The following WASHC2A variants were observed in gnomAD, a reference collection of about 807,000 sequenced individuals.
WASHC2A encodes WASH complex subunit FAM21A.
A neutral mutation model predicts 140.3 loss-of-function variants in WASHC2A; 82 were observed. The observed-to-expected ratio is 0.58, with a 90% CI of 0.49 to 0.70. The LOEUF (loss-of-function observed/expected upper bound fraction) is 0.70. Among genes scored for constraint, WASHC2A ranks in the 30% least tolerant of loss-of-function variants. The pLI is 0.00. For synonymous variants in WASHC2A, 340 were observed against 560.8 expected (o/e 0.61, Z 5.56); for missense variants, 985 against 1,521.8 (o/e 0.65, Z 5.87).
chr10:50,127,868 C>T, intron 28 of WASHC2A, 73 bp downstream of exon 28: 1 of 922,490 alleles, frequency 1.1e-6, no homozygotes, highest in East Asian at 2.6e-5. Context: ...TCTAGTTTAT[C>T]AGTTGCATAC....
intron 15 of WASHC2A, 82 bp from the exon 16 acceptor site, chr10:50,097,593 G>A: frequency 1.9e-6 from 2 of 1,043,428 alleles, no homozygotes; most frequent in Non-Finnish European, 2.7e-6. Context: ...TATTCTTTGG[G>A]AGGGAAGAAT....
intron 15 of WASHC2A, 150 bp from the exon 16 acceptor site, chr10:50,097,525 A>G: frequency 1.4e-6 from 1 of 704,712 alleles, no homozygotes; most frequent in East Asian, 2.8e-5. Flanking sequence ...AGGGAAGAGT[A>G]TAGTTCCACT....
intron 20 of WASHC2A, among the ~76,000 whole-genome samples, chr10:50,110,690 A>G (rs1230042062): frequency 6.6e-6 from 1 of 152,042 alleles, no homozygotes; most frequent in African/African-American, 2.4e-5. Context: ...CAGGAGTTCA[A>G]GACCAGCCTG....
intron 17 of WASHC2A, among the ~76,000 whole-genome samples, chr10:50,100,529 T>G (rs1841019439): frequency 6.6e-6 from 1 of 152,142 alleles, no homozygotes. Context: ...CACAGGGGCT[T>G]TAGAAAGCAA....
In WASHC2A at chr10:50,125,223, T is replaced by C. The variant is rs2133062473; in HGVS notation, c.2589T>C (p.Ala863=). Residue 863 remains alanine, a synonymous_variant, in exon 24 of 31, where the codon GCT becomes GCC. Coordinates refer to ENST00000282633, the MANE Select transcript of WASHC2A (RefSeq NM_001005751.3). ...KDNDPDVDLF[A]GTKKTKLLEP... ...ATGACCCAGATGTTGACCTTTTTGC[T>C]GGCACCAAAAAAACCAAGGTCAGTT... 4 of 1,609,432 alleles carry C rather than the reference T, an allele frequency of 2.5e-6. No individual in the cohort carries two copies. Among genetic ancestry groups the C allele is most frequent in the East Asian group, 2.2e-5 (1 of 44,830 alleles).
intron 11 of WASHC2A, among the ~76,000 whole-genome samples, chr10:50,092,808 A>C (rs1223602328): frequency 6.6e-6 from 1 of 152,052 alleles, no homozygotes; most frequent in Non-Finnish European, 1.5e-5. Context: ...GAAACTTAGG[A>C]ATCTCTAGCA....
At position 50,129,859 on chromosome 10, in the gene WASHC2A, T is replaced by C. The variant is rs1044597; in HGVS notation, c.3528T>C (p.Gly1176=). ...KAKSPMFPAL[G]EASSDDDLFQ... is the part of the protein sequence containing the mutation. ...AGAGCCCCATGTTTCCTGCTCTAGG[T>C]GAGGCCAGCAGTGATGATGATCTCT... Residue 1176 remains glycine (G), a synonymous_variant, in exon 29 of 31, where the codon GGT becomes GGC. Transcript: ENST00000282633. 30 of 1,611,854 alleles carry C rather than the reference T, an allele frequency of 1.9e-5. No homozygotes were observed. The Admixed American group carries it at 2.8e-4, about 15-fold the overall frequency.
rs1382693445 is a variant in WASHC2A, at chr10:50,076,901, A to C, written c.292-1774A>C. ...GGGAGGCTGAGGTGGGCGAATCACG[A>C]GGTCAGATTGAGACCATCCTGGTTA... On this transcript the variant is annotated intron_variant, in intron 3 of 30. Coordinates refer to ENST00000282633, the MANE Select transcript of WASHC2A (RefSeq NM_001005751.3). Among the ~76,000 whole-genome samples the C allele has an allele frequency of 8.0e-5, 12 of 149,382 alleles. No homozygotes were observed. In the East Asian group the frequency reaches 1.4e-3, roughly 17 times the overall value.
At chr10:50,090,515 AATAT>A (rs1203140565) in intron 8 of WASHC2A, among the ~76,000 whole-genome samples, 147 of 108,680 alleles carry the variant, frequency 1.4e-3, no homozygotes, top group South Asian at 2.1e-3. Context: ...AAAAAAAAAA[AATAT>A]ATATATATAT....
intron 8 of WASHC2A, among the ~76,000 whole-genome samples, chr10:50,088,634 A>C (rs1185382174): frequency 9.6e-5 from 12 of 124,996 alleles, no homozygotes; most frequent in South Asian, 2.8e-4. Flanking sequence ...AGTTATGTTA[A>C]TAACTCTTAA....
chr10:50,097,863 C>T (rs1202537095), intron 16 of WASHC2A, 61 bp downstream of exon 16: 4 of 1,610,846 alleles, frequency 2.5e-6, no homozygotes, highest in Non-Finnish European at 3.4e-6. Context: ...ATAATTCATC[C>T]TGAACCCAGA....
At chr10:50,109,833 G>A (rs1165567522) in intron 19 of WASHC2A, among the ~76,000 whole-genome samples, 32 of 152,054 alleles carry the variant, frequency 2.1e-4, no homozygotes, top group Admixed American at 7.2e-4. Flanking sequence ...GCAGTGGCAC[G>A]ATCTCCGTTC....
At chr10:50,124,880 A>G (rs1843298029) in intron 23 of WASHC2A, among the ~76,000 whole-genome samples, 1 of 151,784 alleles carries the variant, frequency 6.6e-6, no homozygotes, top group Non-Finnish European at 1.5e-5. Context: ...ATATATATAT[A>G]TGTAAACTTT....
chr10:50,128,975 C>T (rs1251963971), intron 28 of WASHC2A, among the ~76,000 whole-genome samples: 31 of 151,822 alleles, frequency 2.0e-4, no homozygotes, highest in Non-Finnish European at 4.0e-4. Context: ...GCTCCTGGAG[C>T]CTGAATTTAG....
At chr10:50,098,908 C>G (rs1840769381) in intron 16 of WASHC2A, among the ~76,000 whole-genome samples, 1 of 150,396 alleles carries the variant, frequency 6.6e-6, no homozygotes, top group Admixed American at 6.6e-5. Flanking sequence ...CTGCCTCATT[C>G]AGACACGTTT....
At chr10:50,100,611 A>G (rs1453414733) in intron 17 of WASHC2A, among the ~76,000 whole-genome samples, 1 of 152,166 alleles carries the variant, frequency 6.6e-6, no homozygotes, top group African/African-American at 2.4e-5. Flanking sequence ...CTCTCTCTTT[A>G]GGATGCTCAG....
intron 29 of WASHC2A, among the ~76,000 whole-genome samples, chr10:50,130,311 G>A (rs1340268732): frequency 7.6e-6 from 1 of 132,078 alleles, no homozygotes; most frequent in African/African-American, 2.6e-5. Flanking sequence ...TATTTTTATA[G>A]AATATTGTAA....
intron 8 of WASHC2A, among the ~76,000 whole-genome samples, chr10:50,090,270 G>A (rs1448970525): frequency 1.3e-5 from 2 of 149,716 alleles, no homozygotes; most frequent in African/African-American, 4.9e-5. Context: ...GGGAGGCTGA[G>A]GCGGGTGGAT....
rs1370533469 is a variant in WASHC2A, at chr10:50,097,734, A to G, written c.1480A>G (p.Lys494Glu). Residue 494 changes from lysine (K) to glutamate (E), a missense_variant, in exon 16 of 31, where the codon AAA (lysine) becomes GAA (glutamate). Lys to Glu is a moderately conservative substitution (Grantham distance 56). Transcript: ENST00000282633. Reference protein sequence around the residue: ...GDEEGDLFKEKAVASPEATVS... With the variant: ...GDEEGDLFKEEAVASPEATVS... ...CGAAGAAGGAGATCTGTTCAAAGAAAAAGCCGTAGCATCGCCAGAAGCCAC... is the reference window on the plus strand; with the variant it reads ...CGAAGAAGGAGATCTGTTCAAAGAAGAAGCCGTAGCATCGCCAGAAGCCAC... The G allele has an allele frequency of 2.5e-6, 4 of 1,606,768 alleles. No homozygotes were observed. In the African/African-American group the frequency reaches 5.4e-5, roughly 22 times the overall value.
Sources: gnomAD v4.1 joint callset for allele counts (sites outside exome capture counted in the v4.1 genomes callset) on GRCh38, gnomAD v4.1.1 for gene constraint, MANE v1.5 for transcripts, NCBI Gene and HGNC (gene_info 2026-07-23, HGNC 2026-07-21) for gene names.